PADI3: variants seen among roughly 807,000 people sequenced by gnomAD.
PADI3 encodes the protein protein-arginine deiminase type-3.
PADI3 carries 53 observed loss-of-function variants against 71.5 expected under a neutral mutation model. The observed-to-expected ratio is 0.74, with a 90% CI of 0.59 to 0.93. The LOEUF is 0.93. PADI3 is among the 40% of genes least tolerant of loss of function. PADI3 has a pLI of 0.00. For synonymous variants in PADI3, 361 were observed against 347.5 expected (o/e 1.04, Z -0.43); for missense variants, 821 against 868.0 (o/e 0.95, Z 0.68).
Position 17,283,586 on chromosome 1 carries a change from G to T in PADI3, c.*507G>T, listed in dbSNP as rs2073429092. Reference sequence around the variant, plus strand: ...CTAAAGCCTCCCCCATAAAAAGGGAGCTGTGGATCCACTTAGATCAGGGCG... The same window carrying T: ...CTAAAGCCTCCCCCATAAAAAGGGATCTGTGGATCCACTTAGATCAGGGCG... On this transcript the variant is annotated 3_prime_UTR_variant, in exon 16 of 16. Coordinates refer to ENST00000375460, the MANE Select transcript of PADI3 (RefSeq NM_016233.2). 1 of 155,806 alleles carries T rather than the reference G, an allele frequency of 6.4e-6. No homozygotes were observed. Among genetic ancestry groups the T allele is most frequent in the Non-Finnish European group, 1.4e-5 (1 of 70,350 alleles). The allele number at this position is 155,806 out of a possible 1,614,324, so 9.7% of individuals were successfully genotyped here.
rs188840139 is a variant in PADI3, at chr1:17,267,904, A to G, written c.594A>G (p.Lys198=). The G allele has an allele frequency of 3.1e-6, 5 of 1,614,136 alleles. No homozygotes were observed. The East Asian group carries it at 1.1e-4, about 36-fold the overall frequency. Residue 198 remains lysine, a synonymous_variant, in exon 6 of 16, where the codon AAA becomes AAG. Transcript: ENST00000375460. ...QGPAALFDDH[K]LVLHTSSYDA... ...CTGCAGCCCTCTTTGATGACCACAA[A>G]CTTGTCCTCCATACCTCCAGCTATG...
intron 2 of PADI3, among the ~76,000 whole-genome samples, chr1:17,261,292 T>C (rs1020679491): frequency 2.0e-5 from 3 of 152,190 alleles, no homozygotes; most frequent in Non-Finnish European, 4.4e-5. Flanking sequence ...CTGTAACAGT[T>C]CTTGAGTGCT....
rs759593814 is a variant in PADI3, at chr1:17,270,399, C to T, written c.819C>T (p.Asp273=). 1.2e-5 allele frequency: 20 copies of T among 1,612,512 alleles called. No homozygotes were observed. Among genetic ancestry groups the T allele is most frequent in the Admixed American group, 3.3e-5 (2 of 59,858 alleles). The change falls in exon 7 of 16, where the codon GAC becomes GAT. Residue 273 remains aspartate (D), a synonymous_variant. Transcript: ENST00000375460. ...GLISFHVTLL[D]DSNEDFSASP... ...TCTCCTTCCATGTCACTCTGCTGGA[C>T]GACTCCAACGAGGTAGGGACAGAGG... is the stretch of plus-strand genomic sequence containing the variant.
At chr1:17,262,111 C>G (rs1468858226) in intron 2 of PADI3, 22 bp from the exon 3 acceptor site, 2 of 1,611,022 alleles carry the variant, frequency 1.2e-6, no homozygotes, top group East Asian at 2.2e-5. Flanking sequence ...GCTGGTATTA[C>G]TCTGCGCCCA....
chr1:17,283,256 A>G lies in PADI3; in HGVS notation c.*177A>G. 4 of 585,116 alleles carry G rather than the reference A, an allele frequency of 6.8e-6. No individual in the cohort carries two copies. Among genetic ancestry groups the G allele is most frequent in the Non-Finnish European group, 9.2e-6 (3 of 327,350 alleles). The allele number at this position is 585,116 out of a possible 1,614,324, so 36.2% of individuals were successfully genotyped here. On this transcript the variant is annotated 3_prime_UTR_variant, in exon 16 of 16. Transcript: ENST00000375460. Reference sequence around the variant, plus strand: ...TGGAAGTGTCCATGCCTCACCTGCAACCCATGTGGTTCTCAGACTTGAATC... The same window carrying G: ...TGGAAGTGTCCATGCCTCACCTGCAGCCCATGTGGTTCTCAGACTTGAATC...
Position 17,283,321 on chromosome 1 carries a change from C to G in PADI3, c.*242C>G. 2.0e-6 allele frequency: 1 copy of G among 504,356 alleles called. No individual in the cohort carries two copies. Among genetic ancestry groups the G allele is most frequent in the Non-Finnish European group, 3.6e-6 (1 of 280,178 alleles). 31.2% of individuals were successfully genotyped at this position (504,356 alleles called of 1,614,324 possible). ...AAAAGAAGGACCTCATTTCTTATAG[C>G]CTCTCCTGTGATTCAACACAACCCA... On this transcript the variant is annotated 3_prime_UTR_variant, in exon 16 of 16. Transcript: ENST00000375460.
chr1:17,259,757 A>G lies in PADI3; in HGVS notation c.272A>G (p.His91Arg). The G allele has an allele frequency of 3.1e-6, 5 of 1,598,930 alleles. No individual in the cohort carries two copies. Among genetic ancestry groups the G allele is most frequent in the Non-Finnish European group, 4.3e-6 (5 of 1,169,240 alleles). ...NSPSNDLNDS[H>R]VQISYHSSHE... is the part of the protein sequence containing the mutation. ...CCCAGCAATGACCTCAACGACAGCC[A>G]TGTGAGCTGGTCCCTGGTGGGGTGG... Residue 91 changes from histidine to arginine, a missense_variant and splice_region_variant, in exon 2 of 16, where the codon CAT becomes CGT. Coordinates refer to ENST00000375460, the MANE Select transcript of PADI3 (RefSeq NM_016233.2).
chr1:17,254,201 C>T (rs550557037), intron 1 of PADI3, among the ~76,000 whole-genome samples: 9 of 152,248 alleles, frequency 5.9e-5, no homozygotes, highest in African/African-American at 2.2e-4. Context: ...GCAGCGTCGG[C>T]GGATCTGGGA....
At chr1:17,268,216 T>C (rs2073198338) in intron 6 of PADI3, among the ~76,000 whole-genome samples, 1 of 152,244 alleles carries the variant, frequency 6.6e-6, no homozygotes, top group South Asian at 2.1e-4. Context: ...TTTAAGCATG[T>C]GTAGAAATTC....
chr1:17,252,086 T>TGGG (rs2072972635), intron 1 of PADI3, among the ~76,000 whole-genome samples: 1 of 152,102 alleles, frequency 6.6e-6, no homozygotes, highest in Non-Finnish European at 1.5e-5. Flanking sequence ...AGGCATGGTA[T>TGGG]GGGGGCTTTT....
At position 17,271,258 on chromosome 1, in the gene PADI3, C is replaced by T. The variant is rs548637617; in HGVS notation, c.1047+80C>T. ...CCTTCATTTGGGGGCCACCGAGAAA[C>T]ATCCAGGAGGACCTGGGTGCTCCCC... is the stretch of plus-strand genomic sequence containing the variant. On this transcript the variant is annotated intron_variant, in intron 9 of 15. Transcript: ENST00000375460. The T allele has an allele frequency of 1.7e-4, 202 of 1,216,612 alleles. No homozygotes were observed. The African/African-American group carries it at 2.8e-3, about 17-fold the overall frequency. The allele number at this position is 1,216,612 out of a possible 1,614,324, so 75.4% of individuals were successfully genotyped here.
At chr1:17,262,827 A>G (rs2073120062) in intron 3 of PADI3, among the ~76,000 whole-genome samples, 1 of 152,234 alleles carries the variant, frequency 6.6e-6, no homozygotes, top group South Asian at 2.1e-4. Flanking sequence ...ACAAATGAAA[A>G]AACATAACAG....
In PADI3 at chr1:17,283,873, A is replaced by G. The variant is rs2073436052; in HGVS notation, c.*794A>G. On this transcript the variant is annotated 3_prime_UTR_variant, in exon 16 of 16. Transcript: ENST00000375460. The stretch of plus-strand genomic sequence containing the variant: ...GTGAAAAGTAGTTCCCATAATACAC[A>G]TGGTTGACTATGGTGATCCACCTTG... 1 of 152,182 alleles carries G rather than the reference A, an allele frequency of 6.6e-6. No individual in the cohort carries two copies. The allele number at this position is 152,182 out of a possible 1,614,324, so 9.4% of individuals were successfully genotyped here. A position where few individuals can be genotyped will look rare whatever the true frequency, so the allele number is the denominator to read the frequency against.
At chr1:17,256,672 C>T (rs1012927903) in intron 1 of PADI3, among the ~76,000 whole-genome samples, 3 of 152,266 alleles carry the variant, frequency 2.0e-5, no homozygotes, top group South Asian at 2.1e-4. Context: ...CCATCAAGGG[C>T]GCTCAGCCCT....
At chr1:17,278,560 T>C (rs1169978895) in intron 13 of PADI3, among the ~76,000 whole-genome samples, 1 of 152,084 alleles carries the variant, frequency 6.6e-6, no homozygotes, top group African/African-American at 2.4e-5. Flanking sequence ...GTTTTTTGTT[T>C]TGCACTGGAA....
In PADI3 at chr1:17,274,386, GC is replaced by G. The variant is rs550013700; in HGVS notation, c.1156-244del. 1.8e-4 allele frequency among the ~76,000 whole-genome samples: 27 copies of G among 152,310 alleles called. No individual in the cohort carries two copies. The South Asian group carries it at 5.4e-3, about 30-fold the overall frequency. On this transcript the variant is annotated intron_variant, in intron 10 of 15. Coordinates refer to ENST00000375460, the MANE Select transcript of PADI3 (RefSeq NM_016233.2). ...TGGGGAGTGCAGGAGCAACCGGAGC[GC>G]CCCCTGCTGTCTTGCCGTGATAAGG...
At position 17,280,659 on chromosome 1, in the gene PADI3, C is replaced by A; in HGVS notation, c.1636-12C>A. On this transcript the variant is annotated splice_polypyrimidine_tract_variant and intron_variant, in intron 14 of 15. Transcript: ENST00000375460. The stretch of plus-strand genomic sequence containing the variant: ...CAAGGTGTCCCCAACTCTGGCCCTC[C>A]CCTGCCCCCAGAGCTGCATCGACTG... The A allele has an allele frequency of 6.2e-7, 1 of 1,614,110 alleles. No homozygotes were observed. Among genetic ancestry groups the A allele is most frequent in the South Asian group, 1.1e-5 (1 of 91,072 alleles).
At chr1:17,280,489 AG>A in intron 14 of PADI3, 60 bp downstream of exon 14, 2 of 1,514,048 alleles carry the variant, frequency 1.3e-6, no homozygotes, top group Non-Finnish European at 1.8e-6. Flanking sequence ...GCTGGAGGCA[AG>A]GATGGGATAC....
At chr1:17,273,543 C>G in intron 10 of PADI3, 96 bp downstream of exon 10, 2 of 711,166 alleles carry the variant, frequency 2.8e-6, no homozygotes. Flanking sequence ...GCAGTGGGAA[C>G]CGTGCTCTTT....
Sources: gnomAD v4.1 joint callset for allele counts (sites outside exome capture counted in the v4.1 genomes callset) on GRCh38, gnomAD v4.1.1 for gene constraint, MANE v1.5 for transcripts, NCBI Gene and HGNC (gene_info 2026-07-23, HGNC 2026-07-21) for gene names.